GLI3: variants seen among roughly 807,000 people sequenced by gnomAD.
The protein encoded by GLI3 is transcription activator GLI3.
In GLI3, 20 loss-of-function variants were observed where a neutral mutation model predicts 100.8. The ratio of observed to expected loss-of-function variants is 0.20; its 90% CI spans 0.14 to 0.29. The LOEUF is 0.29. Ranked by LOEUF, GLI3 falls within the 10% of genes least tolerant of loss-of-function variation. The pLI, the probability that GLI3 is intolerant of heterozygous loss-of-function variation, is 1.00. For synonymous variants in GLI3, 938 were observed against 860.5 expected (o/e 1.09, Z -1.58); for missense variants, 2,040 against 2,128.5 (o/e 0.96, Z 0.82).
intron 4 of GLI3, among the ~76,000 whole-genome samples, chr7:42,054,206 T>C (rs1225091635): frequency 1.3e-5 from 2 of 152,234 alleles, no homozygotes; most frequent in Non-Finnish European, 2.9e-5. Flanking sequence ...CAGAGCATTT[T>C]TAACAGTACA....
chr7:42,261,200 A>AACACACACACACACAAACACACACAC (rs61693928), intron 1 of GLI3, among the ~76,000 whole-genome samples: 1 of 147,334 alleles, frequency 6.8e-6, no homozygotes, highest in Non-Finnish European at 1.5e-5. Flanking sequence ...CACACACACA[A>AACACACACACACACAAACACACACAC]ACACACACAC....
intron 3 of GLI3, among the ~76,000 whole-genome samples, chr7:42,097,030 C>T (rs1785353140): frequency 6.6e-6 from 1 of 152,102 alleles, no homozygotes; most frequent in Admixed American, 6.6e-5. Flanking sequence ...AATTCAGCCT[C>T]TTTATTTATA....
At chr7:42,055,224 C>T (rs1262179174) in intron 4 of GLI3, among the ~76,000 whole-genome samples, 3 of 151,812 alleles carry the variant, frequency 2.0e-5, no homozygotes, top group Non-Finnish European at 2.9e-5. Context: ...CTGCACAATC[C>T]TATACTTTTT....
At chr7:41,986,542 T>C (rs2128715975) in intron 10 of GLI3, among the ~76,000 whole-genome samples, 1 of 152,022 alleles carries the variant, frequency 6.6e-6, no homozygotes. Context: ...CATTACAACA[T>C]GGTTGAACTT....
intron 10 of GLI3, among the ~76,000 whole-genome samples, chr7:42,007,204 G>C (rs112132224): frequency 8.2e-5 from 10 of 122,590 alleles, no homozygotes; most frequent in African/African-American, 3.2e-4. Context: ...CCAAGATAAT[G>C]ATGCTAAGGA....
chr7:41,975,073 G>C lies in GLI3; in HGVS notation c.1813-2446C>G, dbSNP rs186333633. ...TAGAGAGGGAGGTTCAACCGAATCA[G>C]AGCTCAGGAAACTTGTTTAGCGGTA... On this transcript the variant is annotated intron_variant, in intron 12 of 14. Coordinates refer to ENST00000395925, the MANE Select transcript of GLI3 (RefSeq NM_000168.6). 7.2e-4 allele frequency among the ~76,000 whole-genome samples: 109 copies of C among 152,340 alleles called. 2 individuals are homozygous for C. The South Asian group carries it at 0.017, about 24-fold the overall frequency.
At chr7:42,079,175 T>C (rs1354503275) in intron 3 of GLI3, among the ~76,000 whole-genome samples, 1 of 152,212 alleles carries the variant, frequency 6.6e-6, no homozygotes, top group Non-Finnish European at 1.5e-5. Context: ...GTTTGAAAGT[T>C]TAAGTTGAAT....
At chr7:42,029,526 G>A (rs192595384) in intron 7 of GLI3, among the ~76,000 whole-genome samples, 37 of 152,250 alleles carry the variant, frequency 2.4e-4, no homozygotes, top group African/African-American at 8.7e-4. Context: ...TTTCCCACTA[G>A]GGGGATAAGA....
chr7:42,106,316 T>G (rs1583562050), intron 3 of GLI3, among the ~76,000 whole-genome samples: 2 of 152,378 alleles, frequency 1.3e-5, no homozygotes, highest in Admixed American at 1.3e-4. Context: ...AGAACTGTGC[T>G]GTCCCCAGCC....
At chr7:42,014,950 C>A (rs1788716669) in intron 10 of GLI3, among the ~76,000 whole-genome samples, 1 of 152,226 alleles carries the variant, frequency 6.6e-6, no homozygotes, top group Non-Finnish European at 1.5e-5. Context: ...CATAAAAGTG[C>A]ACTTAATCTC....
At chr7:42,000,011 A>T (rs2128721380) in intron 10 of GLI3, among the ~76,000 whole-genome samples, 1 of 152,308 alleles carries the variant, frequency 6.6e-6, no homozygotes, top group East Asian at 1.9e-4. Context: ...AGGGAGAGGG[A>T]ACATCCCACC....
chr7:42,174,618 G>A (rs927924372), intron 2 of GLI3, among the ~76,000 whole-genome samples: 1 of 152,176 alleles, frequency 6.6e-6, no homozygotes, highest in Admixed American at 6.5e-5. Flanking sequence ...CTGACACACA[G>A]AGAAAACAAC....
At chr7:42,082,646 A>G (rs920502017) in intron 3 of GLI3, among the ~76,000 whole-genome samples, 7 of 151,844 alleles carry the variant, frequency 4.6e-5, no homozygotes, top group Non-Finnish European at 8.8e-5. Flanking sequence ...GGGGTTAGAA[A>G]CTCCTCCGGA....
intron 7 of GLI3, among the ~76,000 whole-genome samples, chr7:42,033,153 G>A (rs559632980): frequency 1.3e-4 from 20 of 152,338 alleles, no homozygotes; most frequent in Non-Finnish European, 2.2e-4. Context: ...AAGCCCTGGC[G>A]TGAGTGGTAA....
At chr7:41,998,153 G>A (rs1462502090) in intron 10 of GLI3, among the ~76,000 whole-genome samples, 1 of 152,158 alleles carries the variant, frequency 6.6e-6, no homozygotes, top group African/African-American at 2.4e-5. Flanking sequence ...GGATGGAAAT[G>A]GTCACTAGGG....
intron 2 of GLI3, among the ~76,000 whole-genome samples, chr7:42,202,332 TCTCTCTCTCTCTCTCACA>T (rs1432007380): frequency 3.1e-5 from 1 of 32,684 alleles, no homozygotes; most frequent in East Asian, 2.2e-3. Flanking sequence ...TCTCTCTCTC[TCTCTCTCTCTCTCTCACA>T]CACACACACA....
At chr7:42,183,821 G>A (rs1273514917) in intron 2 of GLI3, among the ~76,000 whole-genome samples, 1 of 152,140 alleles carries the variant, frequency 6.6e-6, no homozygotes, top group African/African-American at 2.4e-5. Flanking sequence ...CCCGGACTCA[G>A]CCAAGCTGCA....
intron 7 of GLI3, among the ~76,000 whole-genome samples, chr7:42,027,339 T>C (rs887863041): frequency 2.0e-5 from 3 of 152,196 alleles, no homozygotes; most frequent in African/African-American, 4.8e-5. Flanking sequence ...TTCATGGAAA[T>C]TTCTTTTTAA....
intron 4 of GLI3, among the ~76,000 whole-genome samples, chr7:42,055,114 C>CATATAT (rs1164515180): frequency 8.5e-6 from 1 of 117,608 alleles, no homozygotes; most frequent in South Asian, 2.6e-4. Flanking sequence ...TGTATATATA[C>CATATAT]ACATATATAT....
Sources: gnomAD v4.1 joint callset for allele counts (sites outside exome capture counted in the v4.1 genomes callset) on GRCh38, gnomAD v4.1.1 for gene constraint, MANE v1.5 for transcripts, NCBI Gene and HGNC (gene_info 2026-07-23, HGNC 2026-07-21) for gene names.